The following ST7 variants were observed in gnomAD, a reference collection of about 807,000 sequenced individuals.
ST7 encodes suppression of tumorigenicity 7.
In ST7, 28 loss-of-function variants were observed where a neutral mutation model predicts 78.7. That is an observed-to-expected ratio of 0.36 (90% CI 0.26 to 0.49). ST7 has a LOEUF of 0.49. ST7 is among the 20% of genes least tolerant of loss of function. The pLI is 0.99. For missense variants in ST7, 418 were observed against 696.0 expected (o/e 0.60, Z 4.49); for synonymous variants, 247 against 249.6 (o/e 0.99, Z 0.10).
chr7:117,176,560 G>A (rs561534843), intron 10 of ST7, among the ~76,000 whole-genome samples: 82 of 152,250 alleles, frequency 5.4e-4, no homozygotes, highest in Admixed American at 6.5e-4. Context: ...CGTAAACCTT[G>A]CTTATTTCCC....
chr7:117,202,932 C>A (rs1488504292), intron 12 of ST7, among the ~76,000 whole-genome samples: 3 of 152,186 alleles, frequency 2.0e-5, no homozygotes, highest in Non-Finnish European at 4.4e-5. Flanking sequence ...AAAATCTGCA[C>A]ATACTCAAGT....
At chr7:116,967,729 G>GT (rs1164985870) in intron 1 of ST7, among the ~76,000 whole-genome samples, 3 of 152,168 alleles carry the variant, frequency 2.0e-5, no homozygotes, top group Admixed American at 6.5e-5. Flanking sequence ...GCCTTAACCA[G>GT]TGCCAGCACT....
chr7:117,214,708 T>A (rs1276219916), intron 13 of ST7, among the ~76,000 whole-genome samples: 1 of 151,980 alleles, frequency 6.6e-6, no homozygotes. Context: ...AACTTGCTCC[T>A]TTCCTTTATT....
chr7:116,961,484 G>C (rs1792819003), intron 1 of ST7, among the ~76,000 whole-genome samples: 1 of 151,586 alleles, frequency 6.6e-6, no homozygotes, highest in South Asian at 2.1e-4. Context: ...TGTCATCTCT[G>C]ATCTCTTTGA....
intron 1 of ST7, among the ~76,000 whole-genome samples, chr7:117,067,659 A>C (rs570127883): frequency 6.6e-6 from 1 of 152,300 alleles, no homozygotes; most frequent in African/African-American, 2.4e-5. Flanking sequence ...GATTGTGGCT[A>C]AAGATTTTTG....
chr7:117,218,490 C>T (rs1289950229), intron 13 of ST7, among the ~76,000 whole-genome samples: 1 of 152,140 alleles, frequency 6.6e-6, no homozygotes, highest in African/African-American at 2.4e-5. Context: ...ATTAATCTCT[C>T]CAGATCAATT....
At chr7:117,228,439 T>C (rs1793584263) in intron 15 of ST7, among the ~76,000 whole-genome samples, 1 of 152,246 alleles carries the variant, frequency 6.6e-6, no homozygotes, top group Non-Finnish European at 1.5e-5. Flanking sequence ...ATACATTTAA[T>C]TGGTGTAAAA....
chr7:117,168,781 T>TA (rs1317167582), intron 9 of ST7, among the ~76,000 whole-genome samples: 1 of 152,192 alleles, frequency 6.6e-6, no homozygotes, highest in African/African-American at 2.4e-5. Context: ...TTATTGGCTT[T>TA]AAAAAACAAA....
At chr7:117,053,749 A>G (rs1797910697) in intron 1 of ST7, among the ~76,000 whole-genome samples, 1 of 152,136 alleles carries the variant, frequency 6.6e-6, no homozygotes, top group Non-Finnish European at 1.5e-5. Flanking sequence ...GGTGGGAAGT[A>G]ATTATATGGG....
intron 9 of ST7, among the ~76,000 whole-genome samples, chr7:117,139,179 G>C (rs1805056690): frequency 6.6e-6 from 1 of 152,084 alleles, no homozygotes; most frequent in Non-Finnish European, 1.5e-5. Context: ...AGGTTTTAAG[G>C]GAAACCAGTT....
intron 1 of ST7, among the ~76,000 whole-genome samples, chr7:117,073,656 C>A (rs1799137281): frequency 6.6e-6 from 1 of 152,188 alleles, no homozygotes; most frequent in Non-Finnish European, 1.5e-5. Context: ...CTTAACTTCT[C>A]TATACCTGTT....
intron 10 of ST7, among the ~76,000 whole-genome samples, chr7:117,186,792 C>T (rs909368339): frequency 2.0e-5 from 3 of 152,140 alleles, no homozygotes; most frequent in African/African-American, 7.2e-5. Flanking sequence ...TGGAATTGTA[C>T]CCTGTGAATG....
rs113118139 is a variant in ST7 at position 117,105,726 on chromosome 7, A to C, written c.234+5882A>C. Among the ~76,000 whole-genome samples the C allele has an allele frequency of 2.8e-3, 423 of 152,362 alleles. 1 individual carries two copies. The highest frequency in any genetic ancestry group is 9.4e-3 in the African/African-American group (390 of 41,580). ...AGAATAATTTGAATGTTCCTGGCAC[A>C]AAGAAAAGAAAAATAAATTTAAGGT... is the stretch of plus-strand genomic sequence containing the variant. On this transcript the variant is annotated intron_variant, in intron 2 of 15. Coordinates refer to ENST00000323984, the MANE Select transcript of ST7 (RefSeq NM_001369598.1).
chr7:117,050,765 C>A (rs1192745859), intron 1 of ST7, among the ~76,000 whole-genome samples: 3 of 151,942 alleles, frequency 2.0e-5, no homozygotes, highest in African/African-American at 7.3e-5. Context: ...CCCGTCTCTA[C>A]TAAAAATACA....
At chr7:116,979,036 C>T (rs1793828628) in intron 1 of ST7, among the ~76,000 whole-genome samples, 1 of 152,174 alleles carries the variant, frequency 6.6e-6, no homozygotes, top group African/African-American at 2.4e-5. Flanking sequence ...CCATGACCAT[C>T]CTTGGGCACA....
chr7:116,981,221 C>T lies in ST7; in HGVS notation c.151+27530C>T, dbSNP rs979779517. The stretch of plus-strand genomic sequence containing the variant: ...CCTCCCAGGCTCAAGTGATCCTCCC[C>T]CTCAGCTTCCCAAGTAGCTGGGTCC... On this transcript the variant is annotated intron_variant, in intron 1 of 15. Transcript: ENST00000323984. 3.9e-5 allele frequency among the ~76,000 whole-genome samples: 6 copies of T among 152,154 alleles called. No individual in the cohort carries two copies. In the East Asian group the frequency reaches 9.7e-4, roughly 25 times the overall value.
At chr7:117,166,855 C>T (rs538167708) in intron 9 of ST7, among the ~76,000 whole-genome samples, 6 of 151,230 alleles carry the variant, frequency 4.0e-5, no homozygotes, top group African/African-American at 1.2e-4. Flanking sequence ...CACCACTGCG[C>T]TCCAGACTGG....
At chr7:116,958,873 TAG>T (rs1441672033) in intron 1 of ST7, among the ~76,000 whole-genome samples, 2 of 152,176 alleles carry the variant, frequency 1.3e-5, no homozygotes, top group Non-Finnish European at 2.9e-5. Flanking sequence ...TTTTTGCTGG[TAG>T]AGAGTCTTGC....
At chr7:117,201,375 C>G (rs1810829606) in intron 12 of ST7, among the ~76,000 whole-genome samples, 1 of 152,044 alleles carries the variant, frequency 6.6e-6, no homozygotes, top group Non-Finnish European at 1.5e-5. Flanking sequence ...GCTGCTTTCC[C>G]CAAGACTACT....
Sources: allele counts gnomAD v4.1 joint callset (sites outside exome capture counted in the v4.1 genomes callset), GRCh38; gene constraint gnomAD v4.1.1; transcripts MANE v1.5; gene names NCBI Gene and HGNC (gene_info 2026-07-23, HGNC 2026-07-21).